NEGR1: variants seen among roughly 807,000 people sequenced by gnomAD.
NEGR1 encodes IgLON family member 4.
NEGR1 carries 10 observed loss-of-function variants against 40.9 expected under a neutral mutation model. That is an observed-to-expected ratio of 0.24 (90% CI 0.15 to 0.42). The LOEUF is 0.42. Among genes scored for constraint, NEGR1 ranks in the 10% least tolerant of loss-of-function variants. The probability of loss-of-function intolerance (pLI) is 1.00; values close to 1 mark genes in which losing one functional copy is unlikely to be tolerated. For missense variants in NEGR1, 352 were observed against 438.9 expected (o/e 0.80, Z 1.77); for synonymous variants, 185 against 166.8 (o/e 1.11, Z -0.84).
chr1:71,529,025 A>G (rs1017963702), intron 6 of NEGR1, among the ~76,000 whole-genome samples: 2 of 45,366 alleles, frequency 4.4e-5, no homozygotes, highest in Non-Finnish European at 9.0e-5. Context: ...CTAAAGACAC[A>G]TAAATAAAGC....
intron 3 of NEGR1, among the ~76,000 whole-genome samples, chr1:71,723,167 G>A (rs1349663007): frequency 6.6e-6 from 1 of 151,962 alleles, no homozygotes. Context: ...GATTGCTGTT[G>A]TTTTAATCTT....
intron 6 of NEGR1, among the ~76,000 whole-genome samples, chr1:71,512,996 C>T (rs1245926975): frequency 6.6e-6 from 1 of 152,120 alleles, no homozygotes; most frequent in East Asian, 1.9e-4. Flanking sequence ...ATACATATAA[C>T]ATCGACAAAA....
intron 4 of NEGR1, among the ~76,000 whole-genome samples, chr1:71,641,712 T>C (rs934173317): frequency 1.3e-5 from 2 of 151,998 alleles, no homozygotes; most frequent in East Asian, 1.9e-4. Flanking sequence ...TCATGCATAA[T>C]GCAAGCAGGT....
chr1:72,153,298 G>C (rs1285045525), intron 1 of NEGR1, among the ~76,000 whole-genome samples: 3 of 151,908 alleles, frequency 2.0e-5, no homozygotes, highest in Non-Finnish European at 4.4e-5. Flanking sequence ...TAAAACTATA[G>C]TGAGATTTAT....
intron 1 of NEGR1, among the ~76,000 whole-genome samples, chr1:72,243,903 T>A (rs764022808): frequency 6.6e-6 from 1 of 151,820 alleles, no homozygotes; most frequent in Admixed American, 6.6e-5. Context: ...ATATACTTGA[T>A]CAAGGTCTTA....
chr1:72,229,654 G>C (rs1460561735), intron 1 of NEGR1, among the ~76,000 whole-genome samples: 1 of 151,158 alleles, frequency 6.6e-6, no homozygotes, highest in Non-Finnish European at 1.5e-5. Context: ...TTTCTATTCT[G>C]TTTTCTTTTT....
intron 1 of NEGR1, among the ~76,000 whole-genome samples, chr1:71,984,260 GAATATTTATTCTGTT>G: frequency 8.2e-6 from 1 of 121,410 alleles, no homozygotes; most frequent in Non-Finnish European, 1.9e-5. Context: ...CTGCTCAACA[GAATATTTATTCTGTT>G]AAAATAACTT....
chr1:71,750,051 T>C (rs553571618), intron 3 of NEGR1, among the ~76,000 whole-genome samples: 105 of 149,568 alleles, frequency 7.0e-4, no homozygotes, highest in Non-Finnish European at 1.4e-3. Context: ...CGGACTGCAG[T>C]GGCGCAATCT....
chr1:71,450,048 C>T (rs1469349601), intron 6 of NEGR1, among the ~76,000 whole-genome samples: 4 of 148,536 alleles, frequency 2.7e-5, no homozygotes, highest in Non-Finnish European at 5.9e-5. Context: ...TAGAGTGCAG[C>T]GGTCCACTCT....
At chr1:71,436,387 T>C (rs189750132) in intron 6 of NEGR1, among the ~76,000 whole-genome samples, 1 of 152,300 alleles carries the variant, frequency 6.6e-6, no homozygotes, top group African/African-American at 2.4e-5. Context: ...AAGATGCAGA[T>C]GAATCAGTGC....
intron 5 of NEGR1, among the ~76,000 whole-genome samples, chr1:71,600,144 C>T (rs1406292738): frequency 6.6e-6 from 1 of 152,176 alleles, no homozygotes; most frequent in Non-Finnish European, 1.5e-5. Flanking sequence ...TCTAAGGTGA[C>T]AGGATTCATT....
intron 1 of NEGR1, among the ~76,000 whole-genome samples, chr1:71,984,926 T>C (rs778229798): frequency 2.6e-5 from 4 of 152,140 alleles, no homozygotes; most frequent in Non-Finnish European, 4.4e-5. Flanking sequence ...TTTTAAGCCT[T>C]TTACATATAT....
rs59316206 is a variant in NEGR1 at position 72,090,365 on chromosome 1, TAAA to T, written c.177-155057_177-155055del. 1.8e-3 allele frequency among the ~76,000 whole-genome samples: 233 copies of T among 131,168 alleles called. 3 individuals carry two copies. Among genetic ancestry groups the T allele is most frequent in the African/African-American group, 6.0e-3 (220 of 36,548 alleles). The allele number at this position is 131,168 out of a possible 152,430, so 86.1% of individuals were successfully genotyped here. A position where few individuals can be genotyped will look rare whatever the true frequency, so the allele number is the denominator to read the frequency against. ...GTTTATAAAATAATTCTTTTTTTCTTAAAAAAAAAAAAAAAAAGAGCTCCCACT... is the reference window on the plus strand; with the variant it reads ...GTTTATAAAATAATTCTTTTTTTCTTAAAAAAAAAAAAAAGAGCTCCCACT... On this transcript the variant is annotated intron_variant, in intron 1 of 6. Transcript: ENST00000357731.
At chr1:71,641,479 T>C (rs1489646831) in intron 4 of NEGR1, among the ~76,000 whole-genome samples, 1 of 152,016 alleles carries the variant, frequency 6.6e-6, no homozygotes, top group Non-Finnish European at 1.5e-5. Context: ...GGGTTTCCTC[T>C]GTATTCTTTA....
intron 1 of NEGR1, among the ~76,000 whole-genome samples, chr1:72,045,753 T>C (rs1646995252): frequency 6.6e-6 from 1 of 151,828 alleles, no homozygotes; most frequent in Non-Finnish European, 1.5e-5. Context: ...CATGTTTCTT[T>C]ATTGGTAACA....
At chr1:71,448,101 GT>G (rs1331681423) in intron 6 of NEGR1, among the ~76,000 whole-genome samples, 1 of 152,230 alleles carries the variant, frequency 6.6e-6, no homozygotes, top group East Asian at 1.9e-4. Context: ...GGGAAACACG[GT>G]TTTCTGATCA....
At chr1:71,428,437 A>G (rs1439148430) in intron 6 of NEGR1, among the ~76,000 whole-genome samples, 1 of 152,220 alleles carries the variant, frequency 6.6e-6, no homozygotes, top group Non-Finnish European at 1.5e-5. Context: ...ATGTTAAGGC[A>G]CTGAGTATAA....
intron 2 of NEGR1, among the ~76,000 whole-genome samples, chr1:71,842,114 G>C (rs1387733233): frequency 1.3e-5 from 2 of 152,118 alleles, no homozygotes; most frequent in Non-Finnish European, 2.9e-5. Context: ...TGTTAGCTCA[G>C]AAGTCACATG....
intron 2 of NEGR1, among the ~76,000 whole-genome samples, chr1:71,824,174 A>G (rs1035680845): frequency 3.3e-5 from 5 of 152,018 alleles, no homozygotes; most frequent in Admixed American, 2.6e-4. Context: ...CAGTGAGGCT[A>G]GTGATACCAA....
Sources: allele counts gnomAD v4.1 joint callset (sites outside exome capture counted in the v4.1 genomes callset), GRCh38; gene constraint gnomAD v4.1.1; transcripts MANE v1.5; gene names NCBI Gene and HGNC (gene_info 2026-07-23, HGNC 2026-07-21).